The following GALNT16 variants were observed in gnomAD, a reference collection of about 807,000 sequenced individuals.
The protein encoded by GALNT16 is UDP-GalNAc:polypeptide N-acetylgalactosaminyltransferase-like protein 1.
A neutral mutation model predicts 76.1 loss-of-function variants in GALNT16; 40 were observed. That is an observed-to-expected ratio of 0.53 (90% CI 0.41 to 0.68). GALNT16 has a LOEUF of 0.68. GALNT16 is among the 30% of genes least tolerant of loss of function. The pLI is 0.00. For synonymous variants in GALNT16, 276 were observed against 285.2 expected (o/e 0.97, Z 0.32); for missense variants, 621 against 731.9 (o/e 0.85, Z 1.75).
intron 5 of GALNT16, among the ~76,000 whole-genome samples, chr14:69,328,130 T>C (rs898862941): frequency 6.6e-6 from 1 of 152,148 alleles, no homozygotes; most frequent in Admixed American, 6.5e-5. Context: ...TTTCTGGTTC[T>C]CCTTTGGGAT....
chr14:69,366,136 G>T, the GALNT16 span, among the ~76,000 whole-genome samples: 2 of 152,172 alleles, frequency 1.3e-5, no homozygotes, highest in Non-Finnish European at 2.9e-5. Flanking sequence ...GAGCTTTCTG[G>T]GCAGAGAAAG....
chr14:69,364,843 T>C, the GALNT16 span, among the ~76,000 whole-genome samples: 1 of 152,278 alleles, frequency 6.6e-6, no homozygotes, highest in African/African-American at 2.4e-5. This position sits in a 1 kb window ranked among gnomAD's most constrained non-coding sequence, Gnocchi z 4.2. Flanking sequence ...GGCTGAGTGA[T>C]GGAACCCGCT....
intron 1 of GALNT16, among the ~76,000 whole-genome samples, chr14:69,316,865 G>T (rs2045109924): frequency 6.6e-6 from 1 of 152,102 alleles, no homozygotes; most frequent in Admixed American, 6.5e-5. Context: ...TCCTTTGAGA[G>T]CAGGGACAAT....
intron 2 of GALNT16, among the ~76,000 whole-genome samples, chr14:69,321,526 G>C (rs145910542): frequency 6.6e-6 from 1 of 152,090 alleles, no homozygotes; most frequent in African/African-American, 2.4e-5. Flanking sequence ...TCACCTGCAC[G>C]AACAGTCTGA....
the GALNT16 span, among the ~76,000 whole-genome samples, chr14:69,367,644 C>CAAAA: frequency 2.5e-4 from 16 of 64,038 alleles, no homozygotes; most frequent in African/African-American, 8.7e-4. Context: ...CTGTGCAAGG[C>CAAAA]AAAAAAAAAA....
At chr14:69,337,140 GTC>G in intron 9 of GALNT16, among the ~76,000 whole-genome samples, 1 of 152,316 alleles carries the variant, frequency 6.6e-6, no homozygotes, top group Non-Finnish European at 1.5e-5. Flanking sequence ...CTAGAGCAGT[GTC>G]TGACATATAA....
chr14:69,347,284 C>G (rs2045578614), intron 13 of GALNT16, 103 bp downstream of exon 13: 1 of 1,229,302 alleles, frequency 8.1e-7, no homozygotes, highest in South Asian at 1.6e-5. Context: ...CTGTCTACAT[C>G]TTACACAAAC....
chr14:69,364,320 A>G, the GALNT16 span, among the ~76,000 whole-genome samples: 21,473 of 152,226 alleles, frequency 0.14, 1,609 homozygotes, highest in East Asian at 0.18. This position sits in a 1 kb window ranked among gnomAD's most constrained non-coding sequence, Gnocchi z 4.2. Context: ...CATAGGAGAC[A>G]CAGCATTTGC....
chr14:69,275,422 G>A (rs543863441), intron 1 of GALNT16, among the ~76,000 whole-genome samples: 2 of 152,288 alleles, frequency 1.3e-5, no homozygotes, highest in African/African-American at 2.4e-5. Flanking sequence ...TGTTAGGGAG[G>A]AAAAGAACTG....
At chr14:69,308,185 A>G (rs2140147542) in intron 1 of GALNT16, among the ~76,000 whole-genome samples, 1 of 152,294 alleles carries the variant, frequency 6.6e-6, no homozygotes, top group South Asian at 2.1e-4. Context: ...CACTCTGAGG[A>G]TGATGATGAT....
the GALNT16 span, among the ~76,000 whole-genome samples, chr14:69,378,030 T>G: frequency 2.1e-4 from 32 of 152,306 alleles, no homozygotes; most frequent in Admixed American, 1.3e-3. Flanking sequence ...GGTCTGCTTT[T>G]AGGACAGTAC....
chr14:69,320,773 G>C lies in GALNT16; in HGVS notation c.240G>C (p.Lys80Asn). 6.2e-7 allele frequency: 1 copy of C among 1,614,210 alleles called. No homozygotes were observed. Among genetic ancestry groups the C allele is most frequent in the Non-Finnish European group, 8.5e-7 (1 of 1,180,030 alleles). ...EKAYLSAKQLKAGEDPYRQHA... is the reference protein window; with the variant it reads ...EKAYLSAKQLNAGEDPYRQHA... ...CCTACCTGTCGGCCAAGCAGCTGAA[G>C]GCTGGAGAGGACCCCTACAGACAGC... The change falls in exon 2 of 15, where the codon AAG (lysine) becomes AAC (asparagine). Residue 80 changes from lysine to asparagine, a missense_variant. Transcript: ENST00000448469.
chr14:69,369,664 T>C, the GALNT16 span, among the ~76,000 whole-genome samples: 69 of 152,132 alleles, frequency 4.5e-4, no homozygotes, highest in Non-Finnish European at 8.8e-5. Context: ...CCACGTGCAC[T>C]CAAAACTAGA....
chr14:69,320,593 T>G (rs1229191195), intron 1 of GALNT16, 118 bp from the exon 2 acceptor site: 2 of 742,402 alleles, frequency 2.7e-6, no homozygotes, highest in African/African-American at 3.5e-5. Context: ...CCTCATAGAG[T>G]TGGCGTAAGG....
At chr14:69,329,641 A>C (rs1429936094) in intron 6 of GALNT16, among the ~76,000 whole-genome samples, 2 of 152,196 alleles carry the variant, frequency 1.3e-5, no homozygotes, top group Non-Finnish European at 2.9e-5. Flanking sequence ...TAAAAGGTTT[A>C]ATCGGCTCAC....
chr14:69,345,866 CAG>C (rs1266227098), intron 12 of GALNT16, among the ~76,000 whole-genome samples: 5 of 151,566 alleles, frequency 3.3e-5, no homozygotes, highest in Admixed American at 6.6e-5. Context: ...TATCATTTCA[CAG>C]AGTCATTTTT....
chr14:69,328,011 C>T (rs937354180), intron 5 of GALNT16, among the ~76,000 whole-genome samples: 5 of 152,180 alleles, frequency 3.3e-5, no homozygotes, highest in African/African-American at 4.8e-5. Context: ...AGGAAAGGGG[C>T]TGCCATACAA....
At chr14:69,303,657 C>T (rs959655612) in intron 1 of GALNT16, among the ~76,000 whole-genome samples, 3 of 152,022 alleles carry the variant, frequency 2.0e-5, no homozygotes, top group African/African-American at 4.8e-5. Context: ...ATAATCTTCC[C>T]ATCCTAACAA....
chr14:69,318,768 T>C (rs1022913087), intron 1 of GALNT16, among the ~76,000 whole-genome samples: 7 of 152,244 alleles, frequency 4.6e-5, no homozygotes, highest in African/African-American at 1.7e-4. Context: ...CTGCAGTTTT[T>C]CTTTAATTTT....
Sources: gnomAD v4.1 joint callset for allele counts (sites outside exome capture counted in the v4.1 genomes callset) on GRCh38, gnomAD v4.1.1 for gene constraint, Gnocchi (gnomAD v3.1) non-coding constraint, MANE v1.5 for transcripts, NCBI Gene and HGNC (gene_info 2026-07-23, HGNC 2026-07-21) for gene names.